The following EPM2A variants were observed in gnomAD, a reference collection of about 807,000 sequenced individuals.
EPM2A encodes laforin.
Under a neutral mutation model 26.5 loss-of-function variants are expected in EPM2A, and 21 were observed. That is an observed-to-expected ratio of 0.79 (90% CI 0.56 to 1.14). The LOEUF (loss-of-function observed/expected upper bound fraction) is 1.14, where lower values mean the gene tolerates loss of function less well. Among genes scored for constraint, EPM2A ranks in the 50% most tolerant of loss-of-function variants. The pLI is 0.00. For missense variants in EPM2A, 458 were observed against 440.8 expected (o/e 1.04, Z -0.35); for synonymous variants, 217 against 177.6 (o/e 1.22, Z -1.76).
At chr6:145,698,224 T>C (rs747438509) in intron 1 of EPM2A, among the ~76,000 whole-genome samples, 3 of 152,174 alleles carry the variant, frequency 2.0e-5, no homozygotes, top group Admixed American at 2.0e-4. Context: ...TATGAGAACA[T>C]AGACAAAGGT....
At chr6:145,467,760 T>A (rs1372762174) in intron 4 of EPM2A, among the ~76,000 whole-genome samples, 5 of 152,130 alleles carry the variant, frequency 3.3e-5, no homozygotes, top group African/African-American at 4.8e-5. Context: ...TTAGGCTGAT[T>A]TATATATCCT....
intron 2 of EPM2A, among the ~76,000 whole-genome samples, chr6:145,616,332 C>T (rs1205601510): frequency 6.6e-6 from 1 of 152,218 alleles, no homozygotes; most frequent in Non-Finnish European, 1.5e-5. Context: ...GCACAGAAGT[C>T]AAGAATAGGG....
At chr6:145,414,098 G>C (rs1778677516) in intron 4 of EPM2A, among the ~76,000 whole-genome samples, 1 of 152,114 alleles carries the variant, frequency 6.6e-6, no homozygotes, top group African/African-American at 2.4e-5. Flanking sequence ...CTGCACCTGA[G>C]GTGATCTTCC....
At chr6:145,473,089 G>T (rs1779496977) in intron 4 of EPM2A, among the ~76,000 whole-genome samples, 1 of 151,920 alleles carries the variant, frequency 6.6e-6, no homozygotes, top group African/African-American at 2.4e-5. Context: ...GAGAAACAGA[G>T]ATATGTCACC....
At chr6:145,438,982 G>A (rs1779026457) in intron 4 of EPM2A, among the ~76,000 whole-genome samples, 1 of 151,640 alleles carries the variant, frequency 6.6e-6, no homozygotes, top group Admixed American at 6.6e-5. Context: ...CTCTCATGTA[G>A]GCCCCTGTAT....
At position 145,604,340 on chromosome 6, in the gene EPM2A, G is replaced by A. The variant is rs576691611; in HGVS notation, c.340+30905C>T. Reference sequence around the variant, plus strand: ...CTTTCAGGAATTTAATATCATACTCGAAAAATAACATATTAGATGTTTGGA... The same window carrying A: ...CTTTCAGGAATTTAATATCATACTCAAAAAATAACATATTAGATGTTTGGA... On this transcript the variant is annotated intron_variant, in intron 2 of 3. Coordinates refer to the EPM2A transcript ENST00000450221. Among the ~76,000 whole-genome samples the A allele has an allele frequency of 5.9e-5, 9 of 152,014 alleles. No homozygotes were observed. The East Asian group carries it at 7.7e-4, about 13-fold the overall frequency.
At chr6:145,434,118 A>G (rs781201995) in intron 4 of EPM2A, among the ~76,000 whole-genome samples, 1 of 152,050 alleles carries the variant, frequency 6.6e-6, no homozygotes, top group Non-Finnish European at 1.5e-5. Flanking sequence ...TGGACACTTC[A>G]AAGATGTCAT....
intron 2 of EPM2A, among the ~76,000 whole-genome samples, chr6:145,516,549 A>T (rs1780129997): frequency 6.6e-6 from 1 of 152,200 alleles, no homozygotes; most frequent in Non-Finnish European, 1.5e-5. Flanking sequence ...GGGCCACCAC[A>T]GCAGAGCCGT....
chr6:145,584,044 T>C (rs1781152903), intron 2 of EPM2A, among the ~76,000 whole-genome samples: 3 of 152,202 alleles, frequency 2.0e-5, no homozygotes, highest in Non-Finnish European at 4.4e-5. Context: ...TGTGTGTTCC[T>C]TTCAGCAGTG....
intron 2 of EPM2A, among the ~76,000 whole-genome samples, chr6:145,642,791 A>G (rs58492233): frequency 0.014 from 2,110 of 152,256 alleles, 43 homozygotes; most frequent in African/African-American, 0.048. Flanking sequence ...AGGGACATGG[A>G]GTGTGGTGAA....
chr6:145,576,464 G>GT (rs1213311354), intron 2 of EPM2A, among the ~76,000 whole-genome samples: 1 of 152,152 alleles, frequency 6.6e-6, no homozygotes, highest in Non-Finnish European at 1.5e-5. Flanking sequence ...AGATTGGGCA[G>GT]TTTAAAACTA....
At chr6:145,518,656 CGCTTT>C (rs887467405) in intron 2 of EPM2A, among the ~76,000 whole-genome samples, 7 of 146,446 alleles carry the variant, frequency 4.8e-5, no homozygotes, top group African/African-American at 1.5e-4. Context: ...GTCTACTAAT[CGCTTT>C]TTGTGACTGG....
At chr6:145,412,191 TG>T (rs1297507020) in intron 4 of EPM2A, among the ~76,000 whole-genome samples, 1 of 138,010 alleles carries the variant, frequency 7.2e-6, no homozygotes, top group African/African-American at 2.7e-5. Flanking sequence ...CACTCTAGCC[TG>T]GGCGACACTG....
chr6:145,404,851 G>A (rs1481024546), intron 4 of EPM2A, among the ~76,000 whole-genome samples: 1 of 151,988 alleles, frequency 6.6e-6, no homozygotes. Context: ...TAAATATAGT[G>A]GCTTGAATAT....
chr6:145,727,133 T>C (rs1248934131), intron 1 of EPM2A, among the ~76,000 whole-genome samples: 1 of 152,130 alleles, frequency 6.6e-6, no homozygotes, highest in Non-Finnish European at 1.5e-5. Flanking sequence ...TGGAAAGAAG[T>C]AGTCAAATAC....
chr6:145,691,412 G>A (rs535515696), intron 1 of EPM2A, among the ~76,000 whole-genome samples: 3 of 152,082 alleles, frequency 2.0e-5, no homozygotes, highest in East Asian at 3.9e-4. Flanking sequence ...GGAAAAAAAG[G>A]GAAAATCAAA....
intron 4 of EPM2A, among the ~76,000 whole-genome samples, chr6:145,413,359 T>C (rs1211620424): frequency 6.6e-6 from 1 of 152,214 alleles, no homozygotes; most frequent in African/African-American, 2.4e-5. Context: ...CAACTTTATA[T>C]GATGAAGACT....
intron 2 of EPM2A, among the ~76,000 whole-genome samples, chr6:145,544,415 T>C (rs1780556076): frequency 6.6e-6 from 1 of 152,170 alleles, no homozygotes; most frequent in East Asian, 1.9e-4. Context: ...CTCAGTAACA[T>C]TGGACAGAAC....
intron 1 of EPM2A, chr6:145,705,921 T>C (rs1782198744): frequency 2.2e-6 from 1 of 456,736 alleles, no homozygotes; most frequent in African/African-American, 2.0e-5. Context: ...AAGATGGTGC[T>C]GGGTAACATG....
Sources: gnomAD v4.1 joint callset for allele counts (sites outside exome capture counted in the v4.1 genomes callset) on GRCh38, gnomAD v4.1.1 for gene constraint, MANE v1.5 for transcripts, NCBI Gene and HGNC (gene_info 2026-07-23, HGNC 2026-07-21) for gene names.